GDF5: variants seen among roughly 807,000 people sequenced by gnomAD.
The protein encoded by GDF5 is growth/differentiation factor 5.
Under a neutral mutation model 34.6 loss-of-function variants are expected in GDF5, and 17 were observed. The ratio of observed to expected loss-of-function variants is 0.49; its 90% confidence interval spans 0.34 to 0.74. The LOEUF (loss-of-function observed/expected upper bound fraction) is 0.74, where lower values mean the gene tolerates loss of function less well. Among genes scored for constraint, GDF5 ranks in the 30% least tolerant of loss-of-function variants. GDF5 has a pLI of 0.01. For missense variants in GDF5, 616 were observed against 661.2 expected (o/e 0.93, Z 0.75); for synonymous variants, 332 against 290.7 (o/e 1.14, Z -1.44).
chr20:35,447,059 A>T (rs927827786), intron 1 of GDF5, among the ~76,000 whole-genome samples: 18 of 151,680 alleles, frequency 1.2e-4, no homozygotes, highest in African/African-American at 2.4e-4. Context: ...TTTTTTTAAA[A>T]TTTTTTTATT....
chr20:35,433,706 C>A lies in GDF5; in HGVS notation c.*203G>T. 1.6e-6 allele frequency: 1 copy of A among 644,456 alleles called. No individual in the cohort carries two copies. The allele number at this position is 644,456 out of a possible 1,614,324, so 39.9% of individuals were successfully genotyped here. On this transcript the variant is annotated 3_prime_UTR_variant, in exon 2 of 2. Transcript: ENST00000374369. ...ACTGGTCACATCAGCAGACGGGCAG[C>A]AATCCTCAGCCAGGGGAACTTGTGG...
chr20:35,441,371 G>T (rs2062497261), upstream of GDF5: 1 of 151,912 alleles, frequency 6.6e-6, no homozygotes, highest in Admixed American at 6.6e-5. Context: ...GGCTAACATG[G>T]TGAAACCCTG....
At chr20:35,447,642 A>G (rs1419986876) in intron 1 of GDF5, among the ~76,000 whole-genome samples, 1 of 152,190 alleles carries the variant, frequency 6.6e-6, no homozygotes, top group Non-Finnish European at 1.5e-5. Flanking sequence ...AGTCATACAT[A>G]TTAGGAAGAA....
rs2062451399 is a variant in GDF5 at position 35,433,434 on chromosome 20, C to T, written c.*475G>A. ...CTCACACTCCTCAACTCTATCCAAG[C>T]CCTCTCCTCTTCTCTCCCACTCTTG... is the stretch of plus-strand genomic sequence containing the variant. On this transcript the variant is annotated 3_prime_UTR_variant, in exon 2 of 2. Coordinates refer to ENST00000374369, the MANE Select transcript of GDF5 (RefSeq NM_000557.5). 3.1e-6 allele frequency: 1 copy of T among 323,538 alleles called. No homozygotes were observed. The highest frequency in any genetic ancestry group is 2.2e-5 in the African/African-American group (1 of 46,320). 20.0% of individuals were successfully genotyped at this position (323,538 alleles called of 1,614,324 possible). A position where few individuals can be genotyped will look rare whatever the true frequency, so the allele number is the denominator to read the frequency against.
At chr20:35,453,207 G>A (rs1459408712) in intron 1 of GDF5, among the ~76,000 whole-genome samples, 1 of 152,154 alleles carries the variant, frequency 6.6e-6, no homozygotes, top group Non-Finnish European at 1.5e-5. Context: ...CCGAGATTGC[G>A]CCGCTGCACT....
chr20:35,437,628 G>T lies in GDF5; in HGVS notation c.301C>A (p.Pro101Thr). Residue 101 changes from proline to threonine, a missense_variant, in exon 1 of 2, where the codon CCG becomes ACG. Physicochemically the swap from Pro to Thr is conservative, Grantham distance 38. Transcript: ENST00000374369. ...CCTGGCTTGGGTTCAGGGCCGCCCG[G>T]TCTGGGGGGCAGCTTTTTGGGTTCA... is the stretch of plus-strand genomic sequence containing the variant. ...KDEPKKLPPRPGGPEPKPGHP... is the reference protein window; with the variant it reads ...KDEPKKLPPRTGGPEPKPGHP... 6.2e-7 allele frequency: 1 copy of T among 1,614,162 alleles called. No individual in the cohort carries two copies. Among genetic ancestry groups the T allele is most frequent in the South Asian group, 1.1e-5 (1 of 91,086 alleles).
upstream of GDF5, among the ~76,000 whole-genome samples, chr20:35,439,908 CTTTTTT>C (rs34397706): frequency 2.1e-4 from 15 of 71,676 alleles, no homozygotes; most frequent in African/African-American, 8.2e-4. Flanking sequence ...AGGCTTCCTT[CTTTTTT>C]TTTTTTTTTT....
upstream of GDF5, among the ~76,000 whole-genome samples, chr20:35,438,863 A>G (rs767233779): frequency 1.5e-3 from 217 of 143,526 alleles, no homozygotes; most frequent in East Asian, 4.0e-3. Context: ...GTGTGTGTTT[A>G]TGTGCCTGTG....
chr20:35,440,977 T>C (rs144579929), upstream of GDF5, among the ~76,000 whole-genome samples: 307 of 152,368 alleles, frequency 2.0e-3, no homozygotes, highest in African/African-American at 7.1e-3. Context: ...TAACCTGCCT[T>C]TCCCATTAGA....
intron 1 of GDF5, among the ~76,000 whole-genome samples, chr20:35,446,307 T>C (rs951582294): frequency 5.0e-4 from 76 of 152,134 alleles, no homozygotes; most frequent in African/African-American, 1.7e-3. Flanking sequence ...CGAAACTCCG[T>C]CTCAAAAACA....
In GDF5 at chr20:35,434,769, C is replaced by G; in HGVS notation, c.646G>C (p.Val216Leu). 1 of 1,611,452 alleles carries G rather than the reference C, an allele frequency of 6.2e-7. No homozygotes were observed. The highest frequency in any genetic ancestry group is 8.5e-7 in the Non-Finnish European group (1 of 1,179,942). ...IDKGQDDRGP[V>L]VRKQRYVFDI... Reference sequence around the variant, plus strand: ...AACACGTACCTCTGCTTCCTGACCACGGGACCTCGGTCATCTAGAGAGAAC... The same window carrying G: ...AACACGTACCTCTGCTTCCTGACCAGGGGACCTCGGTCATCTAGAGAGAAC... Residue 216 changes from valine to leucine, a missense_variant, in exon 2 of 2, where the codon GTG becomes CTG. Physicochemically the swap from Val to Leu is conservative, Grantham distance 32. Transcript: ENST00000374369.
upstream of GDF5, among the ~76,000 whole-genome samples, chr20:35,441,586 C>T (rs1479125347): frequency 5.9e-5 from 9 of 151,460 alleles, no homozygotes; most frequent in Admixed American, 3.3e-4. Context: ...TCCCAAGTAG[C>T]TGGGACTACA....
At position 35,437,087 on chromosome 20, in the gene GDF5, A is replaced by C. The variant is rs371009870; in HGVS notation, c.631+211T>G. On this transcript the variant is annotated intron_variant, in intron 1 of 1. Coordinates refer to ENST00000374369, the MANE Select transcript of GDF5 (RefSeq NM_000557.5). ...CCACTCTGCACCTTGCAGGCGTTGG[A>C]CCTGGTGCTTCCTAGGTGCCCTCCA... 1.8e-4 allele frequency among the ~76,000 whole-genome samples: 28 copies of C among 152,202 alleles called. No homozygotes were observed. The East Asian group carries it at 2.9e-3, about 16-fold the overall frequency.
chr20:35,434,842 G>C, intron 1 of GDF5, 59 bp from the exon 2 acceptor site: 1 of 1,553,048 alleles, frequency 6.4e-7, no homozygotes, highest in Non-Finnish European at 8.9e-7. Context: ...CAGTCACTTC[G>C]AGGCTGCGGG....
intron 1 of GDF5, among the ~76,000 whole-genome samples, chr20:35,449,956 T>G (rs2062525280): frequency 6.7e-6 from 1 of 148,934 alleles, no homozygotes; most frequent in African/African-American, 2.5e-5. Context: ...ATCACTGCAC[T>G]CCAACCTGAG....
At chr20:35,442,228 C>T (rs1250414214), upstream of GDF5, among the ~76,000 whole-genome samples, 1 of 152,138 alleles carries the variant, frequency 6.6e-6, no homozygotes, top group African/African-American at 2.4e-5. Flanking sequence ...CTCACTGCAA[C>T]CCCCGCCTCC....
At position 35,437,919 on chromosome 20, in the gene GDF5, G is replaced by A; in HGVS notation, c.10C>T (p.Pro4Ser). The stretch of plus-strand genomic sequence containing the variant: ...CAAAGCAAGAAAGTGAGGAGTTTGG[G>A]GAGTCTCATCCTCTGGCCAGCCGCT... MRL[P>S]KLLTFLLWYL... The change falls in exon 1 of 2, where the codon CCC becomes TCC. Residue 4 changes from proline (P) to serine (S), a missense_variant. Coordinates refer to ENST00000374369, the MANE Select transcript of GDF5 (RefSeq NM_000557.5). 1 of 1,614,024 alleles carries A rather than the reference G, an allele frequency of 6.2e-7. No homozygotes were observed. Among genetic ancestry groups the A allele is most frequent in the Non-Finnish European group, 8.5e-7 (1 of 1,179,934 alleles).
At chr20:35,450,141 G>GAA (rs397966517) in intron 1 of GDF5, among the ~76,000 whole-genome samples, 7 of 126,256 alleles carry the variant, frequency 5.5e-5, no homozygotes, top group Admixed American at 8.1e-5. Context: ...CATCTCTACT[G>GAA]AAAAAAAAAA....
In GDF5 at chr20:35,433,859, G is replaced by A. The variant is rs746099526; in HGVS notation, c.*50C>T. The A allele has an allele frequency of 6.6e-7, 1 of 1,512,036 alleles. No homozygotes were observed. The highest frequency in any genetic ancestry group is 1.4e-5 in the African/African-American group (1 of 73,060). The allele number at this position is 1,512,036 out of a possible 1,614,324, so 93.7% of individuals were successfully genotyped here. The stretch of plus-strand genomic sequence containing the variant: ...ACCCCTCTGTGATTCCAGGAGTGCA[G>A]GAAGGGGCTCTTGGGATGTGCCACC... On this transcript the variant is annotated 3_prime_UTR_variant, in exon 2 of 2. Coordinates refer to ENST00000374369, the MANE Select transcript of GDF5 (RefSeq NM_000557.5).
Sources: allele counts gnomAD v4.1 joint callset (sites outside exome capture counted in the v4.1 genomes callset), GRCh38; gene constraint gnomAD v4.1.1; transcripts MANE v1.5; gene names NCBI Gene and HGNC (gene_info 2026-07-23, HGNC 2026-07-21).